Variants in ZNF385D observed in about 807,000 individuals in gnomAD.
The protein encoded by ZNF385D is zinc finger protein 385D.
ZNF385D carries 15 observed loss-of-function variants against 35.8 expected under a neutral mutation model. The observed-to-expected ratio is 0.42, with a 90% CI of 0.28 to 0.64. The LOEUF (loss-of-function observed/expected upper bound fraction) is 0.64. ZNF385D is among the 30% of genes least tolerant of loss of function. The pLI is 0.23. For missense variants in ZNF385D, 474 were observed against 494.6 expected (o/e 0.96, Z 0.39); for synonymous variants, 212 against 186.8 (o/e 1.13, Z -1.10).
intron 2 of ZNF385D, among the ~76,000 whole-genome samples, chr3:22,187,452 CTTTT>C (rs543226977): frequency 5.9e-5 from 9 of 151,986 alleles, no homozygotes; most frequent in South Asian, 2.1e-4. Context: ...CCTATGGTGA[CTTTT>C]TTTCTCTCCC....
intron 2 of ZNF385D, among the ~76,000 whole-genome samples, chr3:21,658,403 TTC>T (rs2066136576): frequency 6.6e-6 from 1 of 152,012 alleles, no homozygotes; most frequent in Non-Finnish European, 1.5e-5. Context: ...AATTAATAAT[TTC>T]TGTTAGATGT....
chr3:21,972,196 T>C (rs1200516029), intron 3 of ZNF385D, among the ~76,000 whole-genome samples: 1 of 151,984 alleles, frequency 6.6e-6, no homozygotes, highest in Non-Finnish European at 1.5e-5. Context: ...ATAGACCATA[T>C]AATAGGACAA....
At chr3:21,898,006 G>A (rs889369771) in intron 3 of ZNF385D, among the ~76,000 whole-genome samples, 2 of 151,970 alleles carry the variant, frequency 1.3e-5, no homozygotes, top group African/African-American at 4.8e-5. Flanking sequence ...TCCACCTAGA[G>A]GTTTATTTTA....
intron 4 of ZNF385D, among the ~76,000 whole-genome samples, chr3:21,447,291 T>A (rs1287190032): frequency 1.3e-5 from 2 of 152,166 alleles, no homozygotes; most frequent in African/African-American, 4.8e-5. Flanking sequence ...TGGATGCCAC[T>A]AGATTAGGAA....
chr3:21,536,071 C>G (rs2062030143), intron 3 of ZNF385D, among the ~76,000 whole-genome samples: 1 of 131,252 alleles, frequency 7.6e-6, no homozygotes, highest in South Asian at 2.3e-4. Flanking sequence ...ACTGCCAAAG[C>G]CTTTGATTAT....
intron 3 of ZNF385D, among the ~76,000 whole-genome samples, chr3:21,558,164 G>T: frequency 7.8e-6 from 1 of 128,902 alleles, no homozygotes; most frequent in Non-Finnish European, 1.6e-5. Flanking sequence ...CTTCAGTTCT[G>T]CTCTGATCTT....
chr3:21,565,594 A>AGTT (rs1223238454), intron 2 of ZNF385D, among the ~76,000 whole-genome samples: 5 of 152,112 alleles, frequency 3.3e-5, no homozygotes, highest in African/African-American at 1.2e-4. Flanking sequence ...TGTCTATTAA[A>AGTT]GTTGTGATGA....
rs1702009052 is a variant in ZNF385D at position 22,286,108 on chromosome 3, A to G, written c.106+86342T>C. Among the ~76,000 whole-genome samples the G allele has an allele frequency of 7.9e-5, 12 of 152,290 alleles. 1 individual carries two copies. The South Asian group carries it at 2.5e-3, about 32-fold the overall frequency. ...ACTTACTCTAGTATCTCTTAATACA[A>G]TGTACTCATTTTTAATAATATGTAC... On this transcript the variant is annotated intron_variant, in intron 2 of 5. Coordinates refer to the ZNF385D transcript ENST00000494108.
chr3:21,811,295 C>A (rs757727255), intron 3 of ZNF385D, among the ~76,000 whole-genome samples: 1 of 151,958 alleles, frequency 6.6e-6, no homozygotes, highest in Non-Finnish European at 1.5e-5. Context: ...ACATTTCCCA[C>A]GTAGAGAAAC....
chr3:22,081,005 G>A (rs1015187422), intron 3 of ZNF385D, among the ~76,000 whole-genome samples: 1 of 152,098 alleles, frequency 6.6e-6, no homozygotes, highest in African/African-American at 2.4e-5. Context: ...TGATACATAT[G>A]TATGTGTATA....
At chr3:21,686,418 A>G (rs572690467) in intron 1 of ZNF385D, among the ~76,000 whole-genome samples, 4 of 152,344 alleles carry the variant, frequency 2.6e-5, no homozygotes, top group South Asian at 2.1e-4. Context: ...TATGAAAAGC[A>G]TCAGTGTATA....
intron 2 of ZNF385D, among the ~76,000 whole-genome samples, chr3:21,620,138 G>A (rs1189056876): frequency 6.6e-6 from 1 of 152,164 alleles, no homozygotes; most frequent in African/African-American, 2.4e-5. Flanking sequence ...TTTAGCATAA[G>A]GGAAAGTTAT....
intron 3 of ZNF385D, among the ~76,000 whole-genome samples, chr3:21,992,582 G>A (rs1487486699): frequency 1.3e-5 from 2 of 152,038 alleles, no homozygotes; most frequent in Non-Finnish European, 2.9e-5. Flanking sequence ...CACTTTCTCA[G>A]GCTATGTTAA....
intron 2 of ZNF385D, among the ~76,000 whole-genome samples, chr3:22,259,531 A>T (rs564751309): frequency 3.3e-5 from 5 of 151,992 alleles, no homozygotes; most frequent in Non-Finnish European, 5.9e-5. Flanking sequence ...TCCTTGAGAC[A>T]GCTGTCATAT....
At chr3:21,463,610 G>T (rs1474828735) in intron 4 of ZNF385D, among the ~76,000 whole-genome samples, 3 of 152,034 alleles carry the variant, frequency 2.0e-5, no homozygotes, top group African/African-American at 7.2e-5. Flanking sequence ...AGAATGGCTG[G>T]CTCGCTTTCT....
At chr3:21,818,129 G>A (rs563289984) in intron 3 of ZNF385D, among the ~76,000 whole-genome samples, 1 of 151,228 alleles carries the variant, frequency 6.6e-6, no homozygotes, top group Admixed American at 6.6e-5. Flanking sequence ...ATTCAACAAT[G>A]AGAATACTTG....
At chr3:22,237,965 G>C (rs958727285) in intron 2 of ZNF385D, among the ~76,000 whole-genome samples, 1 of 150,988 alleles carries the variant, frequency 6.6e-6, no homozygotes, top group African/African-American at 2.5e-5. Flanking sequence ...TAATACACTT[G>C]AAGTTAATTT....
intron 3 of ZNF385D, among the ~76,000 whole-genome samples, chr3:21,787,329 A>G (rs932030427): frequency 2.0e-5 from 3 of 152,160 alleles, no homozygotes; most frequent in Admixed American, 6.5e-5. Context: ...TGGACTTCGA[A>G]GACTCACTAA....
intron 2 of ZNF385D, among the ~76,000 whole-genome samples, chr3:22,313,822 T>G (rs938121601): frequency 1.3e-5 from 2 of 152,140 alleles, no homozygotes; most frequent in Admixed American, 6.5e-5. Flanking sequence ...AACTAAAAAC[T>G]CCAGCATTAA....
Sources: allele counts gnomAD v4.1 joint callset (sites outside exome capture counted in the v4.1 genomes callset), GRCh38; gene constraint gnomAD v4.1.1; transcripts MANE v1.5; gene names NCBI Gene and HGNC (gene_info 2026-07-23, HGNC 2026-07-21).